The following VAC14 variants were observed in gnomAD, a reference collection of about 807,000 sequenced individuals.
The protein encoded by VAC14 is protein VAC14 homolog.
Under a neutral mutation model 85.3 loss-of-function variants are expected in VAC14, and 47 were observed. The ratio of observed to expected loss-of-function variants is 0.55; its 90% CI spans 0.44 to 0.70. The LOEUF is 0.70. Among genes scored for constraint, VAC14 ranks in the 30% least tolerant of loss-of-function variants. The pLI, the probability that VAC14 is intolerant of heterozygous loss-of-function variation, is 0.00. For synonymous variants in VAC14, 447 were observed against 430.5 expected, an observed-to-expected ratio of 1.04 and a Z score of -0.47; for missense variants, 861 against 1,004.3, an observed-to-expected ratio of 0.86 and a Z score of 1.93.
At chr16:70,778,493 T>A (rs1245615464) in intron 9 of VAC14, 1 of 152,124 alleles carries the variant, frequency 6.6e-6, no homozygotes, top group African/African-American at 2.4e-5. Context: ...ATTTTCAAAG[T>A]GTTCAACTAG....
chr16:70,697,968 G>A (rs184724221), intron 15 of VAC14, among the ~76,000 whole-genome samples: 15 of 140,800 alleles, frequency 1.1e-4, no homozygotes, highest in Admixed American at 5.0e-4. Context: ...CCCTGTCCCC[G>A]CACGGCCTCT....
chr16:70,697,731 G>A (rs2053742504), intron 15 of VAC14, among the ~76,000 whole-genome samples: 1 of 152,194 alleles, frequency 6.6e-6, no homozygotes, highest in Admixed American at 6.5e-5. Context: ...CACACTTGGG[G>A]GAGCCCTTGC....
At chr16:70,699,343 C>A (rs900612767) in intron 14 of VAC14, 2 of 158,734 alleles carry the variant, frequency 1.3e-5, no homozygotes, top group Non-Finnish European at 2.8e-5. Flanking sequence ...GCCTGGAGCA[C>A]AGATCCGTGT....
chr16:70,768,646 G>C, intron 10 of VAC14: 1 of 337,680 alleles, frequency 3.0e-6, no homozygotes, highest in Admixed American at 3.7e-5. Flanking sequence ...ATGAGGGAGG[G>C]GGAAGACAGC....
In VAC14 at chr16:70,734,326, T is replaced by C. The variant is rs552115718; in HGVS notation, c.1529-2699A>G. Among the ~76,000 whole-genome samples the C allele has an allele frequency of 1.4e-3, 212 of 152,020 alleles. 1 individual carries two copies. The highest frequency in any genetic ancestry group is 4.5e-3 in the African/African-American group (186 of 41,436). Reference sequence around the variant, plus strand: ...GCTAAATTTTTTCTTTGAGATGGGGTCTCCCTATGTTGCCCAGGCTAGTCT... The same window carrying C: ...GCTAAATTTTTTCTTTGAGATGGGGCCTCCCTATGTTGCCCAGGCTAGTCT... On this transcript the variant is annotated intron_variant, in intron 13 of 18. Coordinates refer to ENST00000261776, the MANE Select transcript of VAC14 (RefSeq NM_018052.5).
intron 9 of VAC14, among the ~76,000 whole-genome samples, chr16:70,778,116 G>C (rs1414116959): frequency 6.6e-6 from 1 of 152,210 alleles, no homozygotes; most frequent in Non-Finnish European, 1.5e-5. Context: ...CCAGAGCCAA[G>C]AGGCATGAAT....
At chr16:70,694,112 G>C (rs966612886) in intron 17 of VAC14, among the ~76,000 whole-genome samples, 21 of 152,250 alleles carry the variant, frequency 1.4e-4, no homozygotes, top group African/African-American at 4.8e-4. Flanking sequence ...TCAGGGCTGG[G>C]ACGGTGTTGG....
At chr16:70,738,610 G>T (rs983293696) in intron 13 of VAC14, among the ~76,000 whole-genome samples, 5 of 152,208 alleles carry the variant, frequency 3.3e-5, no homozygotes, top group African/African-American at 9.7e-5. Flanking sequence ...TGGACTGCTG[G>T]GGCTTCCAAC....
chr16:70,761,161 C>T (rs376564770), intron 12 of VAC14: 39 of 455,416 alleles, frequency 8.6e-5, no homozygotes, highest in East Asian at 4.2e-4. Context: ...AGCCCAGGTT[C>T]GGGAAAGCAA....
chr16:70,755,373 C>T lies in VAC14; in HGVS notation c.1371+7167G>A, dbSNP rs2031753467. The T allele has an allele frequency of 2.0e-5, 4 of 195,652 alleles. No individual in the cohort carries two copies. The South Asian group carries it at 2.8e-4, about 14-fold the overall frequency. The allele number at this position is 195,652 out of a possible 1,614,324, so 12.1% of individuals were successfully genotyped here. ...ACTGAAGGTCAGCCAAGGACAAAAC[C>T]CTATGGGGTCAGCGGAGGGCCTGGG... On this transcript the variant is annotated intron_variant, in intron 12 of 18. Coordinates refer to ENST00000261776, the MANE Select transcript of VAC14 (RefSeq NM_018052.5).
chr16:70,722,859 G>A (rs578170149), intron 14 of VAC14, among the ~76,000 whole-genome samples: 18 of 152,124 alleles, frequency 1.2e-4, no homozygotes, highest in East Asian at 3.9e-4. Context: ...ACAGGAGGAC[G>A]GTTTGAGCCC....
chr16:70,783,614 C>A, intron 5 of VAC14, 60 bp from the exon 6 acceptor site: 10 of 1,551,794 alleles, frequency 6.4e-6, no homozygotes, highest in Admixed American at 1.7e-5. Context: ...TCCTGCTCAC[C>A]AAGCCTCTGG....
intron 17 of VAC14, 115 bp from the exon 18 acceptor site, chr16:70,693,086 C>T: frequency 7.2e-7 from 1 of 1,385,026 alleles, no homozygotes; most frequent in Non-Finnish European, 9.7e-7. Flanking sequence ...CCATGGCACC[C>T]ACAGCCCAAG....
chr16:70,782,071 A>G, intron 7 of VAC14, 68 bp from the exon 8 acceptor site: 1 of 1,572,658 alleles, frequency 6.4e-7, no homozygotes, highest in Non-Finnish European at 8.7e-7. Context: ...CCCATTGACC[A>G]TACACGTGGG....
At chr16:70,708,988 G>C (rs773411049) in intron 14 of VAC14, among the ~76,000 whole-genome samples, 2 of 152,220 alleles carry the variant, frequency 1.3e-5, no homozygotes, top group Non-Finnish European at 2.9e-5. Flanking sequence ...TCAACTCCAA[G>C]AAGTGCTGAG....
intron 12 of VAC14, among the ~76,000 whole-genome samples, chr16:70,758,746 C>G (rs912544260): frequency 6.6e-6 from 1 of 152,188 alleles, no homozygotes; most frequent in South Asian, 2.1e-4. Context: ...GCAGTGAGCA[C>G]GCACCCTGCA....
intron 12 of VAC14, among the ~76,000 whole-genome samples, chr16:70,754,085 A>T (rs2031627320): frequency 6.6e-6 from 1 of 152,132 alleles, no homozygotes; most frequent in Non-Finnish European, 1.5e-5. Flanking sequence ...TCACTGGTCC[A>T]TCTGCCCAGG....
At chr16:70,742,988 A>G (rs962344888) in intron 13 of VAC14, among the ~76,000 whole-genome samples, 1 of 151,746 alleles carries the variant, frequency 6.6e-6, no homozygotes, top group African/African-American at 2.4e-5. Context: ...CTGTAAAAAC[A>G]CTAGCTAAAG....
chr16:70,767,992 C>T (rs987366660), intron 10 of VAC14, among the ~76,000 whole-genome samples: 1 of 152,186 alleles, frequency 6.6e-6, no homozygotes, highest in Non-Finnish European at 1.5e-5. Context: ...TCAACTGATC[C>T]TTCCAACTCA....
Sources: allele counts gnomAD v4.1 joint callset (sites outside exome capture counted in the v4.1 genomes callset), GRCh38; gene constraint gnomAD v4.1.1; transcripts MANE v1.5; gene names NCBI Gene and HGNC (gene_info 2026-07-23, HGNC 2026-07-21).